Variants in DYNC2I1 observed in about 807,000 individuals in gnomAD.
The protein encoded by DYNC2I1 is cytoplasmic dynein 2 intermediate chain 1.
A neutral mutation model predicts 133.4 loss-of-function variants in DYNC2I1; 89 were observed. The observed-to-expected ratio is 0.67, with a 90% confidence interval of 0.56 to 0.80. The LOEUF is 0.80. Among genes scored for constraint, DYNC2I1 ranks in the 30% least tolerant of loss-of-function variants. The pLI, the probability that DYNC2I1 is intolerant of heterozygous loss-of-function variation, is 0.00. For synonymous variants in DYNC2I1, 504 were observed against 484.3 expected (o/e 1.04, Z -0.54); for missense variants, 1,291 against 1,314.5 (o/e 0.98, Z 0.28).
intron 6 of DYNC2I1, among the ~76,000 whole-genome samples, chr7:158,885,733 A>G (rs1019712601): frequency 6.6e-5 from 10 of 152,238 alleles, no homozygotes; most frequent in African/African-American, 2.4e-4. Context: ...AACCCAGGTT[A>G]AATATCTTAC....
chr7:158,914,393 A>C (rs997670853), intron 14 of DYNC2I1, 72 bp downstream of exon 14: 243 of 1,203,406 alleles, frequency 2.0e-4, no homozygotes, highest in Non-Finnish European at 2.8e-4. Context: ...GAAACATAGG[A>C]GCTTTTAAGA....
At chr7:158,901,042 A>G (rs1035728842) in intron 8 of DYNC2I1, among the ~76,000 whole-genome samples, 1 of 152,008 alleles carries the variant, frequency 6.6e-6, no homozygotes, top group African/African-American at 2.4e-5. Context: ...CATCCCTGCC[A>G]TGTCTGGAAC....
intron 20 of DYNC2I1, among the ~76,000 whole-genome samples, chr7:158,928,151 ACCTC>A (rs1849809685): frequency 6.6e-6 from 1 of 152,080 alleles, no homozygotes; most frequent in African/African-American, 2.4e-5. Context: ...AGCTAATAGC[ACCTC>A]TCACAGGTGG....
chr7:158,862,500 T>G (rs143211143), intron 1 of DYNC2I1, among the ~76,000 whole-genome samples: 489 of 148,552 alleles, frequency 3.3e-3, no homozygotes, highest in African/African-American at 0.012. Context: ...GAGGATTGTT[T>G]GAGGATGGGA....
Position 158,879,726 on chromosome 7 carries a change from C to G in DYNC2I1, c.616C>G (p.Leu206Val). ...CAAGGACAACCCTCTCAAGTACTGG[C>G]TTTATAAAGAAGAAGGCGAGAGGAG... Reference protein sequence around the residue: ...DSKDNPLKYWLYKEEGERRHR... With the variant: ...DSKDNPLKYWVYKEEGERRHR... Residue 206 changes from leucine to valine, a missense_variant, in exon 5 of 25, where the codon CTT becomes GTT. Leu to Val is a conservative substitution (Grantham distance 32, BLOSUM62 1). Coordinates refer to ENST00000407559, the MANE Select transcript of DYNC2I1 (RefSeq NM_018051.5). The G allele has an allele frequency of 1.3e-6, 2 of 1,598,286 alleles. No individual in the cohort carries two copies. Among genetic ancestry groups the G allele is most frequent in the Non-Finnish European group, 1.7e-6 (2 of 1,176,040 alleles).
intron 8 of DYNC2I1, among the ~76,000 whole-genome samples, chr7:158,900,413 C>T (rs575623969): frequency 2.4e-4 from 36 of 152,236 alleles, no homozygotes; most frequent in Middle Eastern, 3.4e-3. Flanking sequence ...TGAGCCACCG[C>T]GCCCAGCCTG....
chr7:158,915,386 G>T (rs1229977724), intron 14 of DYNC2I1, among the ~76,000 whole-genome samples: 13 of 73,648 alleles, frequency 1.8e-4, no homozygotes, highest in Admixed American at 4.5e-4. Context: ...GTGAAACGTC[G>T]ACATGCTGGT....
intron 9 of DYNC2I1, among the ~76,000 whole-genome samples, chr7:158,902,118 G>T (rs950844487): frequency 6.6e-6 from 1 of 152,150 alleles, no homozygotes; most frequent in African/African-American, 2.4e-5. Context: ...CAGCACAAAT[G>T]TTTGCACGTG....
intron 23 of DYNC2I1, among the ~76,000 whole-genome samples, chr7:158,940,409 G>A (rs777823452): frequency 3.3e-5 from 5 of 152,186 alleles, no homozygotes; most frequent in Non-Finnish European, 7.3e-5. Flanking sequence ...ACCTGTTGCT[G>A]TGTGGCCCAG....
intron 17 of DYNC2I1, among the ~76,000 whole-genome samples, chr7:158,924,783 C>T (rs990476648): frequency 1.3e-4 from 19 of 151,326 alleles, no homozygotes; most frequent in Non-Finnish European, 1.8e-4. Context: ...GAGATGTGGT[C>T]TGGCTCTGTA....
intron 24 of DYNC2I1, among the ~76,000 whole-genome samples, chr7:158,943,105 A>G (rs1851536268): frequency 6.6e-6 from 1 of 152,200 alleles, no homozygotes; most frequent in Admixed American, 6.5e-5. Flanking sequence ...GAAAGATAAG[A>G]GTTTAATAGA....
At chr7:158,885,447 T>C in intron 6 of DYNC2I1, among the ~76,000 whole-genome samples, 1 of 151,990 alleles carries the variant, frequency 6.6e-6, no homozygotes, top group East Asian at 1.9e-4. Context: ...GTTCAAGCTA[T>C]TCTTCTGCCT....
At position 158,911,575 on chromosome 7, in the gene DYNC2I1, C is replaced by G; in HGVS notation, c.1486C>G (p.Leu496Val). 2 of 1,613,554 alleles carry G rather than the reference C, an allele frequency of 1.2e-6. No individual in the cohort carries two copies. Among genetic ancestry groups the G allele is most frequent in the South Asian group, 2.2e-5 (2 of 90,942 alleles). ...GATGCGAAGTACAAAACTGCTTCGG[C>G]TCATTGACTTAGATTTTTCATTTAC... ...QKMRSTKLLRLIDLDFSFTFS... is the reference protein window; with the variant it reads ...QKMRSTKLLRVIDLDFSFTFS... The change falls in exon 12 of 25, where the codon CTC becomes GTC. Residue 496 changes from leucine to valine, a missense_variant. By Grantham distance (32) the Leu-to-Val change is conservative. Transcript: ENST00000407559.
At chr7:158,950,252 T>C (rs1306105827), downstream of DYNC2I1, among the ~76,000 whole-genome samples, 1 of 152,062 alleles carries the variant, frequency 6.6e-6, no homozygotes, top group African/African-American at 2.4e-5. Flanking sequence ...TTAATAGAGA[T>C]GGGGTTTTGC....
intron 1 of DYNC2I1, among the ~76,000 whole-genome samples, chr7:158,867,018 GTTTTTTTT>G (rs35720744): frequency 1.7e-5 from 2 of 121,166 alleles, no homozygotes; most frequent in African/African-American, 6.1e-5. Context: ...GACTAAATCT[GTTTTTTTT>G]TTTTTTTTTT....
At chr7:158,873,679 T>C (rs369032953) in intron 3 of DYNC2I1, among the ~76,000 whole-genome samples, 1 of 152,184 alleles carries the variant, frequency 6.6e-6, no homozygotes, top group East Asian at 1.9e-4. Flanking sequence ...CAGGTTGTAG[T>C]GCAGTGGTGT....
intron 4 of DYNC2I1, among the ~76,000 whole-genome samples, chr7:158,951,427 C>T (rs2730209): frequency 0.013 from 1,950 of 152,284 alleles, 30 homozygotes; most frequent in South Asian, 0.045. Context: ...AGGGAGTCTG[C>T]GAGAGGCACA....
the DYNC2I1 span, among the ~76,000 whole-genome samples, chr7:158,846,690 T>C: frequency 5.9e-5 from 9 of 152,264 alleles, no homozygotes; most frequent in African/African-American, 2.2e-4. Flanking sequence ...TTTTAAATTC[T>C]ATAATCTGTT....
chr7:158,877,396 A>G (rs1340136692), intron 4 of DYNC2I1, among the ~76,000 whole-genome samples: 2 of 152,248 alleles, frequency 1.3e-5, no homozygotes, highest in Non-Finnish European at 2.9e-5. Context: ...TTTAAATTAT[A>G]AAGACATCCA....
Sources: allele counts gnomAD v4.1 joint callset (sites outside exome capture counted in the v4.1 genomes callset), GRCh38; gene constraint gnomAD v4.1.1; transcripts MANE v1.5; gene names NCBI Gene and HGNC (gene_info 2026-07-23, HGNC 2026-07-21).